Variants in KIAA1217 observed in about 807,000 individuals in gnomAD.
The protein encoded by KIAA1217 is KIAA1217, also known as sickle tail protein homolog.
Under a neutral mutation model 163.9 loss-of-function variants are expected in KIAA1217, and 88 were observed. The observed-to-expected ratio is 0.54, with a 90% confidence interval of 0.45 to 0.64. The LOEUF is 0.64. Among genes scored for constraint, KIAA1217 ranks in the 30% least tolerant of loss-of-function variants. The pLI, the probability that KIAA1217 is intolerant of heterozygous loss-of-function variation, is 0.00. For missense variants in KIAA1217, 2,372 were observed against 2,475.0 expected (o/e 0.96, Z 0.88); for synonymous variants, 903 against 923.1 (o/e 0.98, Z 0.39).
chr10:24,030,537 C>T (rs1228856455), intron 2 of KIAA1217, among the ~76,000 whole-genome samples: 1 of 152,140 alleles, frequency 6.6e-6, no homozygotes, highest in Non-Finnish European at 1.5e-5. Flanking sequence ...TTATAAATTA[C>T]TCAGTTTTGG....
intron 2 of KIAA1217, among the ~76,000 whole-genome samples, chr10:24,331,387 G>A (rs1421350212): frequency 2.0e-5 from 3 of 152,352 alleles, no homozygotes; most frequent in African/African-American, 7.2e-5. Flanking sequence ...AGGCTAAAAA[G>A]CAGCAGCATT....
At chr10:24,332,260 C>A (rs1224119688) in intron 2 of KIAA1217, among the ~76,000 whole-genome samples, 1 of 152,144 alleles carries the variant, frequency 6.6e-6, no homozygotes, top group South Asian at 2.1e-4. Flanking sequence ...CTGTAGACAC[C>A]CATGTCCTGC....
At position 24,543,264 on chromosome 10, in the gene KIAA1217, G is replaced by T. The variant is rs1296891600; in HGVS notation, c.3994G>T (p.Asp1332Tyr). 6.2e-7 allele frequency: 1 copy of T among 1,613,894 alleles called. No individual in the cohort carries two copies. Among genetic ancestry groups the T allele is most frequent in the African/African-American group, 1.3e-5 (1 of 74,882 alleles). ...HTRLTESSVH[D>Y]FKTEDQEVIT... ...TAGACTAACAGAATCAAGCGTGCAT[G>T]ATTTTAAAACAGAAGATCAAGAGGT... The change falls in exon 19 of 21, where the codon GAT becomes TAT. Residue 1332 changes from aspartate to tyrosine, a missense_variant. By Grantham distance (160) the Asp-to-Tyr change is radical. Coordinates refer to ENST00000376454, the MANE Select transcript of KIAA1217 (RefSeq NM_019590.5).
chr10:24,116,529 A>G (rs545961196), intron 2 of KIAA1217, among the ~76,000 whole-genome samples: 91 of 152,256 alleles, frequency 6.0e-4, no homozygotes, highest in African/African-American at 2.1e-3. Flanking sequence ...GGAATTTCTC[A>G]ATTTTTATGT....
At chr10:24,369,555 C>T (rs912788959) in intron 2 of KIAA1217, among the ~76,000 whole-genome samples, 9 of 152,118 alleles carry the variant, frequency 5.9e-5, no homozygotes, top group African/African-American at 1.4e-4. Context: ...GGTACGATTC[C>T]GTGGCTTGGG....
intron 2 of KIAA1217, among the ~76,000 whole-genome samples, chr10:24,126,869 A>T (rs1052577186): frequency 2.0e-5 from 3 of 151,934 alleles, no homozygotes; most frequent in Non-Finnish European, 4.4e-5. Context: ...GGTCACTGAG[A>T]CCCATTAAGT....
intron 1 of KIAA1217, among the ~76,000 whole-genome samples, chr10:23,933,130 A>G (rs1476158165): frequency 1.3e-5 from 2 of 152,214 alleles, no homozygotes; most frequent in Non-Finnish European, 2.9e-5. Flanking sequence ...AAATCAGCTT[A>G]TTATCTGCTA....
intron 1 of KIAA1217, among the ~76,000 whole-genome samples, chr10:23,980,428 A>G (rs1845714775): frequency 6.6e-6 from 1 of 152,208 alleles, no homozygotes; most frequent in Non-Finnish European, 1.5e-5. Context: ...GTGTCTGAGG[A>G]GTCCAGCCTT....
chr10:24,414,105 A>G (rs1293937292), intron 3 of KIAA1217, among the ~76,000 whole-genome samples: 1 of 152,350 alleles, frequency 6.6e-6, no homozygotes, highest in East Asian at 1.9e-4. Context: ...TAAATCTAAA[A>G]CAGTCCTAAG....
chr10:23,745,181 T>C (rs1839331087), intron 1 of KIAA1217, among the ~76,000 whole-genome samples: 1 of 152,120 alleles, frequency 6.6e-6, no homozygotes, highest in Non-Finnish European at 1.5e-5. Context: ...CAACAAAACA[T>C]GAATTTTAAA....
At chr10:24,440,645 T>G (rs2060422226) in intron 5 of KIAA1217, among the ~76,000 whole-genome samples, 1 of 152,302 alleles carries the variant, frequency 6.6e-6, no homozygotes, top group Admixed American at 6.5e-5. Flanking sequence ...CTGTTCTTAC[T>G]TCAAGATGAA....
At chr10:24,402,224 T>C (rs959343813) in intron 3 of KIAA1217, among the ~76,000 whole-genome samples, 2 of 151,792 alleles carry the variant, frequency 1.3e-5, no homozygotes, top group Non-Finnish European at 2.9e-5. Flanking sequence ...GGCAAACGAG[T>C]GGTCAGGCGC....
intron 1 of KIAA1217, among the ~76,000 whole-genome samples, chr10:23,770,447 C>T (rs534430865): frequency 8.5e-5 from 13 of 152,336 alleles, no homozygotes; most frequent in South Asian, 2.1e-4. Flanking sequence ...CTACCAGCTA[C>T]TCACTGATAG....
At chr10:24,417,105 C>G (rs560522890) in intron 3 of KIAA1217, among the ~76,000 whole-genome samples, 1 of 152,040 alleles carries the variant, frequency 6.6e-6, no homozygotes, top group African/African-American at 2.4e-5. Context: ...TACAGCGAGT[C>G]TTTTGTTTTT....
chr10:23,846,324 C>T (rs1477766023), intron 1 of KIAA1217, among the ~76,000 whole-genome samples: 1 of 152,022 alleles, frequency 6.6e-6, no homozygotes, highest in Admixed American at 6.6e-5. Context: ...ACTTCGAGCA[C>T]TATGGCCATT....
At chr10:24,324,034 A>G (rs897368792) in intron 2 of KIAA1217, among the ~76,000 whole-genome samples, 32 of 152,236 alleles carry the variant, frequency 2.1e-4, no homozygotes, top group African/African-American at 7.5e-4. Context: ...TGGGAGGCCA[A>G]GGTGGGAGGA....
chr10:23,883,646 T>A (rs1841049177), intron 1 of KIAA1217, among the ~76,000 whole-genome samples: 1 of 151,930 alleles, frequency 6.6e-6, no homozygotes, highest in Admixed American at 6.6e-5. Flanking sequence ...CACCCAGAGT[T>A]TATCTTAGGC....
At chr10:24,460,060 G>A (rs1276815296) in intron 5 of KIAA1217, among the ~76,000 whole-genome samples, 1 of 152,216 alleles carries the variant, frequency 6.6e-6, no homozygotes, top group East Asian at 1.9e-4. Flanking sequence ...AAACATACCT[G>A]GGGGCTTTCA....
intron 2 of KIAA1217, among the ~76,000 whole-genome samples, chr10:24,145,776 T>C (rs982981074): frequency 3.9e-5 from 6 of 152,224 alleles, no homozygotes; most frequent in African/African-American, 7.2e-5. Flanking sequence ...GCTGAAAAAC[T>C]TGGAGTCTGA....
Sources: gnomAD v4.1 joint callset for allele counts (sites outside exome capture counted in the v4.1 genomes callset) on GRCh38, gnomAD v4.1.1 for gene constraint, MANE v1.5 for transcripts, NCBI Gene and HGNC (gene_info 2026-07-23, HGNC 2026-07-21) for gene names.